LINGO2: variants seen among roughly 807,000 people sequenced by gnomAD.
LINGO2 encodes the protein leucine rich repeat and Ig domain containing 2.
Under a neutral mutation model 30.6 loss-of-function variants are expected in LINGO2, and 14 were observed. The observed-to-expected ratio is 0.46, with a 90% CI of 0.30 to 0.72. The LOEUF (loss-of-function observed/expected upper bound fraction) is 0.72, where lower values mean the gene tolerates loss of function less well. LINGO2 is among the 30% of genes least tolerant of loss of function. The pLI is 0.07. For missense variants in LINGO2, 729 were observed against 751.7 expected (o/e 0.97, Z 0.35); for synonymous variants, 317 against 288.5 (o/e 1.10, Z -1.00).
chr9:29,189,424 C>G, the LINGO2 span, among the ~76,000 whole-genome samples: 4 of 149,302 alleles, frequency 2.7e-5, no homozygotes, highest in East Asian at 2.0e-4. Context: ...ACGGGGCGGC[C>G]GGGCAGAGAC....
the LINGO2 span, among the ~76,000 whole-genome samples, chr9:29,194,268 T>A: frequency 2.0e-5 from 3 of 152,320 alleles, no homozygotes; most frequent in South Asian, 6.2e-4. Context: ...CCGGAGCCCA[T>A]GTTTATTGTC....
intron 1 of LINGO2, among the ~76,000 whole-genome samples, chr9:28,590,537 G>C (rs1474670069): frequency 6.6e-6 from 1 of 152,056 alleles, no homozygotes; most frequent in Non-Finnish European, 1.5e-5. Flanking sequence ...CATTTATGCA[G>C]CCAAAAAACA....
At chr9:28,797,329 C>CATATATAT in the LINGO2 span, among the ~76,000 whole-genome samples, 330 of 65,894 alleles carry the variant, frequency 5.0e-3, 9 homozygotes, top group South Asian at 0.017. Flanking sequence ...ATCATATATA[C>CATATATAT]ATATATATAT....
chr9:28,397,376 T>TATATAC (rs1554716195), intron 2 of LINGO2, among the ~76,000 whole-genome samples: 3 of 92,630 alleles, frequency 3.2e-5, no homozygotes, highest in African/African-American at 1.0e-4. Context: ...TATATATACA[T>TATATAC]ATATATATAT....
At chr9:28,690,906 C>T in the LINGO2 span, among the ~76,000 whole-genome samples, 2 of 152,070 alleles carry the variant, frequency 1.3e-5, no homozygotes, top group Non-Finnish European at 2.9e-5. Context: ...ATTAAGTGGA[C>T]CATTATTATA....
chr9:28,058,650 T>C (rs1825039033), intron 4 of LINGO2, among the ~76,000 whole-genome samples: 1 of 152,164 alleles, frequency 6.6e-6, no homozygotes, highest in Admixed American at 6.5e-5. Flanking sequence ...TAATTTTCTC[T>C]AATTTCTATT....
rs150401463 is a variant in LINGO2, at chr9:28,044,841, G to C, written c.-86-32436C>G. Among the ~76,000 whole-genome samples the C allele has an allele frequency of 2.4e-3, 373 of 152,258 alleles. 3 individuals are homozygous for C. The highest frequency in any genetic ancestry group is 8.7e-3 in the African/African-American group (360 of 41,548). On this transcript the variant is annotated intron_variant, in intron 4 of 5. Transcript: ENST00000379992. ...TTTTCCGTAGGTTGAAGAGAAAGCT[G>C]AAAGTGCAGGGGTGGTTTCCCTTTC...
chr9:28,006,460 T>C (rs1446010133), intron 5 of LINGO2, among the ~76,000 whole-genome samples: 1 of 151,978 alleles, frequency 6.6e-6, no homozygotes, highest in Non-Finnish European at 1.5e-5. Flanking sequence ...GAGAGCAAGA[T>C]GGAAAATTTA....
At chr9:29,021,209 T>C in the LINGO2 span, among the ~76,000 whole-genome samples, 24,513 of 152,086 alleles carry the variant, frequency 0.16, 2,218 homozygotes, top group South Asian at 0.2. Context: ...GCACAGTTTT[T>C]CCTTGATCAG....
chr9:28,931,391 T>G, the LINGO2 span, among the ~76,000 whole-genome samples: 1 of 152,206 alleles, frequency 6.6e-6, no homozygotes, highest in Non-Finnish European at 1.5e-5. Flanking sequence ...AACACCACCA[T>G]GAGCATTTCT....
rs1587689512 is a variant in LINGO2, at chr9:28,013,611, T to TAA, written c.-86-1208_-86-1207dup. Among the ~76,000 whole-genome samples, 3 of 152,360 alleles carry TAA rather than the reference T, an allele frequency of 2.0e-5. No individual in the cohort carries two copies. The East Asian group carries it at 5.8e-4, about 29-fold the overall frequency. On this transcript the variant is annotated intron_variant, in intron 4 of 5. Coordinates refer to ENST00000379992, the Ensembl canonical transcript of LINGO2. ...GGAGTGAATGAGAAGAAGCTGATAG[T>TAA]AAGTAGCTCTACTTTTAGTTTCTTA...
chr9:27,997,383 G>A (rs146031374), intron 5 of LINGO2, among the ~76,000 whole-genome samples: 1 of 152,106 alleles, frequency 6.6e-6, no homozygotes, highest in Non-Finnish European at 1.5e-5. Flanking sequence ...TAAGCACTTT[G>A]AGATGTGCTC....
intron 2 of LINGO2, among the ~76,000 whole-genome samples, chr9:28,449,746 A>G (rs999665909): frequency 6.6e-6 from 1 of 152,054 alleles, no homozygotes; most frequent in Admixed American, 6.6e-5. Flanking sequence ...TCTTTGCTTC[A>G]ATTACTAGTC....
the LINGO2 span, among the ~76,000 whole-genome samples, chr9:29,192,761 G>T: frequency 2.0e-5 from 3 of 152,080 alleles, no homozygotes; most frequent in African/African-American, 7.2e-5. Flanking sequence ...CCCAGGCAGG[G>T]TCATAGGTTT....
At chr9:28,137,390 G>A (rs1036579381) in intron 4 of LINGO2, among the ~76,000 whole-genome samples, 23 of 152,150 alleles carry the variant, frequency 1.5e-4, no homozygotes, top group African/African-American at 5.5e-4. Flanking sequence ...GACAGTTAAA[G>A]TACTCCTGAA....
At chr9:28,149,158 A>C in intron 4 of LINGO2, 1 of 1,419,632 alleles carries the variant, frequency 7.0e-7, no homozygotes, top group Non-Finnish European at 9.6e-7. Flanking sequence ...GTAGAACATC[A>C]AAATTCAGGA....
intron 4 of LINGO2, among the ~76,000 whole-genome samples, chr9:28,255,383 A>G (rs1822349532): frequency 1.3e-5 from 2 of 152,076 alleles, no homozygotes; most frequent in Admixed American, 1.3e-4. Flanking sequence ...ATGCTGTATC[A>G]GCATGGAAAG....
intron 3 of LINGO2, among the ~76,000 whole-genome samples, chr9:28,346,063 AAAAAAG>A (rs1232462232): frequency 2.6e-5 from 4 of 152,330 alleles, no homozygotes; most frequent in African/African-American, 9.6e-5. Flanking sequence ...ACCATCATTT[AAAAAAG>A]CTTTTATTTT....
At chr9:28,776,781 A>T in the LINGO2 span, among the ~76,000 whole-genome samples, 1 of 152,122 alleles carries the variant, frequency 6.6e-6, no homozygotes, top group African/African-American at 2.4e-5. Context: ...GATTTGTGTC[A>T]GAACAGAGGA....
Sources: allele counts gnomAD v4.1 joint callset (sites outside exome capture counted in the v4.1 genomes callset), GRCh38; gene constraint gnomAD v4.1.1; transcripts MANE v1.5; gene names NCBI Gene and HGNC (gene_info 2026-07-23, HGNC 2026-07-21).